Variants in ST3GAL3 observed in about 807,000 individuals in gnomAD.
ST3GAL3 encodes CMP-N-acetylneuraminate-beta-1,4-galactoside alpha-2,3-sialyltransferase.
ST3GAL3 carries 21 observed loss-of-function variants against 50.1 expected under a neutral mutation model. That is an observed-to-expected ratio of 0.42 (90% confidence interval 0.30 to 0.60). ST3GAL3 has a LOEUF of 0.60. Among genes scored for constraint, ST3GAL3 ranks in the 20% least tolerant of loss-of-function variants. The pLI is 0.19. For synonymous variants in ST3GAL3, 183 were observed against 190.0 expected, an observed-to-expected ratio of 0.96 and a Z score of 0.30; for missense variants, 353 against 489.4, an observed-to-expected ratio of 0.72 and a Z score of 2.63.
intron 3 of ST3GAL3, among the ~76,000 whole-genome samples, chr1:43,803,611 C>T (rs550134801): frequency 2.0e-5 from 3 of 152,282 alleles, no homozygotes; most frequent in Non-Finnish European, 4.4e-5. Flanking sequence ...CACTTTAATG[C>T]ATGGGATCCT....
chr1:43,794,101 AAAG>A (rs1192336524), intron 3 of ST3GAL3, among the ~76,000 whole-genome samples: 2 of 151,534 alleles, frequency 1.3e-5, no homozygotes, highest in African/African-American at 4.9e-5. Flanking sequence ...AAAAAAAAAA[AAAG>A]AAGGAAAAAA....
chr1:43,837,891 G>A (rs1037293604), intron 4 of ST3GAL3, among the ~76,000 whole-genome samples: 3 of 152,070 alleles, frequency 2.0e-5, no homozygotes, highest in Non-Finnish European at 2.9e-5. Flanking sequence ...TATTCCTTTA[G>A]GGTTGGGGAT....
At chr1:43,727,380 G>GTT (rs769832124) in intron 1 of ST3GAL3, 1 of 152,042 alleles carries the variant, frequency 6.6e-6, no homozygotes, top group Non-Finnish European at 1.5e-5. Context: ...GCCCTGGAAG[G>GTT]AGAAAAGGGA....
intron 11 of ST3GAL3, among the ~76,000 whole-genome samples, chr1:43,929,509 G>A (rs2084672071): frequency 1.3e-5 from 2 of 152,060 alleles, no homozygotes; most frequent in Admixed American, 6.5e-5. Flanking sequence ...TCACCATGTT[G>A]GTCAGGCTGG....
intron 5 of ST3GAL3, chr1:43,842,264 C>CCGGTT (rs2065509809): frequency 6.6e-6 from 1 of 152,160 alleles, no homozygotes; most frequent in Non-Finnish European, 1.5e-5. Context: ...TATCCATTAC[C>CCGGTT]CGGTTCCGAA....
rs42962 is a variant in ST3GAL3, at chr1:43,832,892, A to T, written c.210-5327A>T. 5.5e-4 allele frequency among the ~76,000 whole-genome samples: 84 copies of T among 152,124 alleles called. No homozygotes were observed. The East Asian group carries it at 0.01, about 19-fold the overall frequency. On this transcript the variant is annotated intron_variant, in intron 4 of 11. Coordinates refer to ENST00000347631, the MANE Select transcript of ST3GAL3 (RefSeq NM_006279.5). Reference sequence around the variant, plus strand: ...AGAATTCCCTCCTCTGTGGATGGAAAGAGCTCTGTGTAGAGAGGCTCATCT... The same window carrying T: ...AGAATTCCCTCCTCTGTGGATGGAATGAGCTCTGTGTAGAGAGGCTCATCT...
intron 4 of ST3GAL3, among the ~76,000 whole-genome samples, chr1:43,833,779 C>T (rs1253304903): frequency 1.3e-5 from 2 of 152,040 alleles, no homozygotes; most frequent in East Asian, 1.9e-4. Context: ...CCCTAGGTGG[C>T]GCAGGTCCAC....
intron 3 of ST3GAL3, among the ~76,000 whole-genome samples, chr1:43,809,990 C>T (rs1237053315): frequency 9.6e-6 from 1 of 104,552 alleles, no homozygotes; most frequent in Non-Finnish European, 1.9e-5. Context: ...GAGACCCTGT[C>T]TCAAAAAAAA....
intron 3 of ST3GAL3, among the ~76,000 whole-genome samples, chr1:43,807,162 A>G (rs544346472): frequency 1.3e-5 from 2 of 152,228 alleles, no homozygotes; most frequent in Admixed American, 6.5e-5. Context: ...CACGCCTGTA[A>G]TCTCAGCACT....
chr1:43,801,475 G>GCT (rs1173785271), intron 3 of ST3GAL3: 4 of 428,080 alleles, frequency 9.3e-6, no homozygotes, highest in African/African-American at 8.1e-5. Context: ...CCTTCAAGAA[G>GCT]CTCTCTCTTT....
intron 2 of ST3GAL3, among the ~76,000 whole-genome samples, chr1:43,763,666 T>C (rs1431759186): frequency 4.6e-5 from 7 of 152,160 alleles, no homozygotes. Context: ...AGATTAGCGC[T>C]GGAATGACTT....
intron 1 of ST3GAL3, among the ~76,000 whole-genome samples, chr1:43,717,918 G>T (rs1164408162): frequency 6.6e-6 from 1 of 151,538 alleles, no homozygotes; most frequent in African/African-American, 2.4e-5. Context: ...TGTTGCCCAG[G>T]CTAGAGTGCA....
At chr1:43,744,381 C>G (rs1413623242) in intron 2 of ST3GAL3, among the ~76,000 whole-genome samples, 1 of 151,838 alleles carries the variant, frequency 6.6e-6, no homozygotes, top group Non-Finnish European at 1.5e-5. Flanking sequence ...TCCCGAGTAG[C>G]TGGGATTACA....
intron 2 of ST3GAL3, among the ~76,000 whole-genome samples, chr1:43,761,216 T>G (rs1269424727): frequency 6.6e-6 from 1 of 152,182 alleles, no homozygotes; most frequent in Non-Finnish European, 1.5e-5. Context: ...GGAATTCTTG[T>G]AAGATTTAAT....
chr1:43,803,010 C>T (rs2059479266), intron 3 of ST3GAL3, among the ~76,000 whole-genome samples: 1 of 152,110 alleles, frequency 6.6e-6, no homozygotes, highest in Non-Finnish European at 1.5e-5. Flanking sequence ...ACTGCAGCCT[C>T]CACCTCCCGG....
chr1:43,929,432 G>A (rs1450171658), intron 11 of ST3GAL3, among the ~76,000 whole-genome samples: 2 of 151,928 alleles, frequency 1.3e-5, no homozygotes, highest in African/African-American at 2.4e-5. Context: ...AGCCTCCTGA[G>A]TAGCTGGGAT....
At chr1:43,873,165 G>T (rs1192863729) in intron 5 of ST3GAL3, among the ~76,000 whole-genome samples, 1 of 152,200 alleles carries the variant, frequency 6.6e-6, no homozygotes, top group African/African-American at 2.4e-5. Flanking sequence ...CAGTCCGATT[G>T]GGAGGCTATT....
At chr1:43,843,492 T>C (rs1384697415) in intron 5 of ST3GAL3, among the ~76,000 whole-genome samples, 2 of 152,218 alleles carry the variant, frequency 1.3e-5, no homozygotes, top group African/African-American at 4.8e-5. Flanking sequence ...CTCTATTCAA[T>C]TGGCTAAAAT....
chr1:43,874,870 G>A (rs1024722784), intron 5 of ST3GAL3, among the ~76,000 whole-genome samples: 11 of 152,174 alleles, frequency 7.2e-5, no homozygotes, highest in African/African-American at 2.4e-4. Context: ...GAAAGTATGA[G>A]TAGTCATCCA....
Sources: allele counts gnomAD v4.1 joint callset (sites outside exome capture counted in the v4.1 genomes callset), GRCh38; gene constraint gnomAD v4.1.1; transcripts MANE v1.5; gene names NCBI Gene and HGNC (gene_info 2026-07-23, HGNC 2026-07-21).